PARD3B: variants seen among roughly 807,000 people sequenced by gnomAD.
The protein encoded by PARD3B is partitioning defective 3 homolog B.
A neutral mutation model predicts 130.2 loss-of-function variants in PARD3B; 103 were observed. The observed-to-expected ratio is 0.79, with a 90% CI of 0.67 to 0.93. PARD3B has a LOEUF of 0.93. PARD3B is among the 40% of genes least tolerant of loss of function. PARD3B has a pLI of 0.00. For synonymous variants in PARD3B, 583 were observed against 553.2 expected (o/e 1.05, Z -0.76); for missense variants, 1,609 against 1,499.2 (o/e 1.07, Z -1.21).
At chr2:204,944,042 A>T (rs1014481034) in intron 2 of PARD3B, among the ~76,000 whole-genome samples, 1 of 152,212 alleles carries the variant, frequency 6.6e-6, no homozygotes, top group Non-Finnish European at 1.5e-5. Context: ...AAGGAAGAAG[A>T]AGAGAAATAG....
intron 1 of PARD3B, among the ~76,000 whole-genome samples, chr2:204,591,679 A>G (rs1325358079): frequency 2.0e-5 from 3 of 152,226 alleles, no homozygotes; most frequent in Non-Finnish European, 4.4e-5. Context: ...CAAGTGTCAG[A>G]CTGGGGAAGG....
intron 2 of PARD3B, among the ~76,000 whole-genome samples, chr2:204,853,498 C>T (rs1056763497): frequency 1.3e-5 from 2 of 152,070 alleles, no homozygotes; most frequent in Non-Finnish European, 2.9e-5. Flanking sequence ...ATTCAGTTCT[C>T]CACTTTCATT....
intron 19 of PARD3B, among the ~76,000 whole-genome samples, chr2:205,412,981 A>G (rs1426487951): frequency 5.9e-5 from 9 of 152,212 alleles, no homozygotes; most frequent in Admixed American, 5.9e-4. Context: ...TGAAGCATTC[A>G]GAATAGTGCC....
intron 2 of PARD3B, among the ~76,000 whole-genome samples, chr2:204,806,574 C>T (rs1023868623): frequency 2.0e-5 from 3 of 152,170 alleles, no homozygotes; most frequent in African/African-American, 4.8e-5. Context: ...CTCTTCAGAA[C>T]GTTGTTCTGG....
intron 13 of PARD3B, among the ~76,000 whole-genome samples, chr2:205,180,571 A>G (rs1366938769): frequency 6.6e-6 from 1 of 151,536 alleles, no homozygotes; most frequent in Non-Finnish European, 1.5e-5. Context: ...GAGCTGTTAC[A>G]GCCAAAACAT....
chr2:205,522,980 A>G (rs1298964186), intron 21 of PARD3B, among the ~76,000 whole-genome samples: 1 of 151,636 alleles, frequency 6.6e-6, no homozygotes, highest in Non-Finnish European at 1.5e-5. Flanking sequence ...TAAAATTCCC[A>G]TATACTGTTT....
At chr2:205,311,210 T>C (rs1050507062) in intron 18 of PARD3B, among the ~76,000 whole-genome samples, 1 of 152,212 alleles carries the variant, frequency 6.6e-6, no homozygotes, top group Non-Finnish European at 1.5e-5. Flanking sequence ...TGCTGGAGTA[T>C]ATGGTAGTTC....
chr2:204,832,465 G>A (rs1040139897), intron 2 of PARD3B, among the ~76,000 whole-genome samples: 5 of 152,162 alleles, frequency 3.3e-5, no homozygotes, highest in Non-Finnish European at 5.9e-5. Context: ...TCTGTAGCAT[G>A]TTCATGTTTA....
chr2:205,200,451 G>C (rs1164845358), intron 15 of PARD3B, among the ~76,000 whole-genome samples: 1 of 152,162 alleles, frequency 6.6e-6, no homozygotes, highest in African/African-American at 2.4e-5. Flanking sequence ...GAAGAGTAAA[G>C]AAGGAAAAGG....
rs527388790 is a variant in PARD3B at position 204,759,834 on chromosome 2, T to G, written c.222+73552T>G. On this transcript the variant is annotated intron_variant, in intron 2 of 22. Transcript: ENST00000406610. ...TGCACAGGATTTAAACCAAATTTTA[T>G]TTTTTGCTTTAGTTTAGGCCTTTAC... 2.0e-5 allele frequency among the ~76,000 whole-genome samples: 3 copies of G among 152,260 alleles called. No individual in the cohort carries two copies. In the South Asian group the frequency reaches 6.2e-4, roughly 32 times the overall value.
chr2:204,854,515 TAATG>T (rs1162311687), intron 2 of PARD3B, among the ~76,000 whole-genome samples: 1 of 152,050 alleles, frequency 6.6e-6, no homozygotes, highest in African/African-American at 2.4e-5. Flanking sequence ...AAGATAATGA[TAATG>T]AAGCAGAAAG....
intron 2 of PARD3B, among the ~76,000 whole-genome samples, chr2:204,895,144 G>A (rs556369708): frequency 6.6e-6 from 1 of 152,140 alleles, no homozygotes; most frequent in South Asian, 2.1e-4. Flanking sequence ...AAATCAAGGA[G>A]CCTGTTTAAA....
Position 205,113,475 on chromosome 2 carries a change from T to G in PARD3B, c.594-16T>G, listed in dbSNP as rs780438094. On this transcript the variant is annotated splice_polypyrimidine_tract_variant and intron_variant, in intron 5 of 22. Coordinates refer to ENST00000406610, the MANE Select transcript of PARD3B (RefSeq NM_001302769.2). ...TAGCAGACACTCATTTGTGCTCTTG[T>G]TTTTTTCTGCCCCAGTGATATGACA... The G allele has an allele frequency of 6.2e-7, 1 of 1,603,952 alleles. No homozygotes were observed. Among genetic ancestry groups the G allele is most frequent in the Non-Finnish European group, 8.5e-7 (1 of 1,172,562 alleles).
intron 1 of PARD3B, among the ~76,000 whole-genome samples, chr2:204,594,775 GA>G (rs1391912334): frequency 5.9e-5 from 9 of 152,108 alleles, no homozygotes; most frequent in Non-Finnish European, 1.2e-4. Context: ...ATCCACTGGA[GA>G]AAAATTCAGA....
rs1250204481 is a variant in PARD3B at position 204,606,900 on chromosome 2, G to A, written c.120+60781G>A. Reference sequence around the variant, plus strand: ...TGTGGTTTTTCTGGGAAATATTAAAGCCTTGAACAATCCCGTATCTTTTTC... The same window carrying A: ...TGTGGTTTTTCTGGGAAATATTAAAACCTTGAACAATCCCGTATCTTTTTC... On this transcript the variant is annotated intron_variant, in intron 1 of 22. Coordinates refer to ENST00000406610, the MANE Select transcript of PARD3B (RefSeq NM_001302769.2). This position sits in a 1 kb window ranked among gnomAD's most constrained non-coding sequence, Gnocchi z 4.0. 2.0e-5 allele frequency among the ~76,000 whole-genome samples: 3 copies of A among 152,096 alleles called. No individual in the cohort carries two copies. The highest frequency in any genetic ancestry group is 4.4e-5 in the Non-Finnish European group (3 of 68,020).
At chr2:205,474,002 G>A (rs745524744) in intron 20 of PARD3B, among the ~76,000 whole-genome samples, 4 of 151,518 alleles carry the variant, frequency 2.6e-5, no homozygotes, top group Admixed American at 6.6e-5. Flanking sequence ...TCATATACAT[G>A]TTCTTATTTC....
At chr2:204,973,216 G>A (rs1027645518) in intron 3 of PARD3B, among the ~76,000 whole-genome samples, 3 of 152,110 alleles carry the variant, frequency 2.0e-5, no homozygotes, top group Non-Finnish European at 4.4e-5. Context: ...GCTTTTCACA[G>A]CCTAATAAGG....
At chr2:205,282,783 C>A (rs1363496986) in intron 16 of PARD3B, among the ~76,000 whole-genome samples, 3 of 152,104 alleles carry the variant, frequency 2.0e-5, no homozygotes, top group Non-Finnish European at 2.9e-5. Flanking sequence ...AGGAAAGAGA[C>A]CTTGTTCCAG....
intron 11 of PARD3B, among the ~76,000 whole-genome samples, chr2:205,162,649 T>G (rs543972562): frequency 9.2e-5 from 14 of 152,380 alleles, no homozygotes; most frequent in African/African-American, 3.4e-4. Context: ...TCCATGAGAA[T>G]GATTTTCTAA....
Sources: allele counts gnomAD v4.1 joint callset (sites outside exome capture counted in the v4.1 genomes callset), GRCh38; gene constraint gnomAD v4.1.1; non-coding constraint Gnocchi (gnomAD v3.1); transcripts MANE v1.5; gene names NCBI Gene and HGNC (gene_info 2026-07-23, HGNC 2026-07-21).